Variants in RBBP8 observed in about 807,000 individuals in gnomAD.
The protein encoded by RBBP8 is RB binding protein 8, endonuclease, also known as DNA endonuclease RBBP8.
A neutral mutation model predicts 108.3 loss-of-function variants in RBBP8; 88 were observed. The observed-to-expected ratio is 0.81, with a 90% confidence interval of 0.68 to 0.97. RBBP8 has a LOEUF of 0.97. RBBP8 is among the 50% of genes least tolerant of loss of function. The pLI, the probability that RBBP8 is intolerant of heterozygous loss-of-function variation, is 0.00. For synonymous variants in RBBP8, 332 were observed against 348.2 expected (o/e 0.95, Z 0.52); for missense variants, 1,023 against 1,049.0 (o/e 0.98, Z 0.34).
intron 15 of RBBP8, among the ~76,000 whole-genome samples, chr18:23,005,606 T>C (rs1020654513): frequency 1.3e-5 from 2 of 151,356 alleles, no homozygotes; most frequent in African/African-American, 4.9e-5. Flanking sequence ...AGAGACAGGG[T>C]TTCACCATGT....
intron 16 of RBBP8, among the ~76,000 whole-genome samples, chr18:23,012,458 G>C (rs568210962): frequency 2.6e-5 from 4 of 152,286 alleles, no homozygotes; most frequent in African/African-American, 9.6e-5. Flanking sequence ...TGGTAAGAAA[G>C]TGAAACAGAC....
At chr18:22,945,794 T>C (rs1453594228) in intron 2 of RBBP8, among the ~76,000 whole-genome samples, 2 of 152,236 alleles carry the variant, frequency 1.3e-5, no homozygotes, top group African/African-American at 4.8e-5. Context: ...TTTTCATATT[T>C]GTTCAGTGAC....
At chr18:22,924,127 GTTTTTTTTTT>G (rs33978854) in intron 3 of RBBP8, among the ~76,000 whole-genome samples, 2 of 108,228 alleles carry the variant, frequency 1.8e-5, no homozygotes, top group Admixed American at 1.2e-4. Flanking sequence ...TTTGTTTTTG[GTTTTTTTTTT>G]TTTTTTTTTT....
chr18:22,931,528 T>C (rs1910030303), upstream of RBBP8, among the ~76,000 whole-genome samples: 1 of 152,250 alleles, frequency 6.6e-6, no homozygotes, highest in Non-Finnish European at 1.5e-5. Flanking sequence ...TATTCTATTT[T>C]TTATCCTTTA....
intron 2 of RBBP8, 189 bp downstream of exon 2, chr18:22,937,149 A>G: frequency 1.6e-6 from 2 of 1,236,882 alleles, no homozygotes; most frequent in Non-Finnish European, 2.2e-6. Context: ...TTCATCACCC[A>G]GGTAGTGAGC....
intron 2 of RBBP8, among the ~76,000 whole-genome samples, chr18:22,937,287 A>G (rs1169974092): frequency 6.7e-6 from 1 of 149,590 alleles, no homozygotes; most frequent in African/African-American, 2.5e-5. Flanking sequence ...TGTAGCTCCC[A>G]CTTATAAATG....
intron 8 of RBBP8, among the ~76,000 whole-genome samples, chr18:22,986,399 G>A (rs1915328188): frequency 6.6e-6 from 1 of 152,296 alleles, no homozygotes; most frequent in South Asian, 2.1e-4. Context: ...TTGTTAAGGT[G>A]TAATGGTGAC....
intron 9 of RBBP8, among the ~76,000 whole-genome samples, chr18:22,990,532 G>C (rs975214274): frequency 6.7e-6 from 1 of 149,586 alleles, no homozygotes; most frequent in South Asian, 2.1e-4. Flanking sequence ...TTTTCATTGT[G>C]GTGAAATTAA....
chr18:23,026,348 T>A lies in RBBP8; in HGVS notation c.*108T>A, dbSNP rs563008248. 3 of 958,046 alleles carry A rather than the reference T, an allele frequency of 3.1e-6. No individual in the cohort carries two copies. The South Asian group carries it at 4.4e-5, about 14-fold the overall frequency. 59.3% of individuals were successfully genotyped at this position (958,046 alleles called of 1,614,324 possible). On this transcript the variant is annotated 3_prime_UTR_variant, in exon 19 of 19. Transcript: ENST00000327155. ...TTTTTTGATCTTCTGTAAATGGATT[T>A]ATAAATCAGTTTTCTATTGAAAATG...
At chr18:23,003,305 A>G (rs1450121454) in intron 15 of RBBP8, among the ~76,000 whole-genome samples, 2 of 152,202 alleles carry the variant, frequency 1.3e-5, no homozygotes, top group Non-Finnish European at 2.9e-5. Flanking sequence ...TTTACTTCCA[A>G]CCAAATAATC....
chr18:22,984,822 A>G, intron 7 of RBBP8, 64 bp from the exon 8 acceptor site: 1 of 934,104 alleles, frequency 1.1e-6, no homozygotes, highest in Non-Finnish European at 1.6e-6. Flanking sequence ...AAATAAAAAT[A>G]ATTTGATAAT....
intron 4 of RBBP8, among the ~76,000 whole-genome samples, chr18:22,958,410 A>G (rs1912771913): frequency 6.6e-6 from 1 of 152,228 alleles, no homozygotes; most frequent in African/African-American, 2.4e-5. Flanking sequence ...TAATTATGTT[A>G]TGATAATGAC....
chr18:22,984,853 AT>A (rs1915208808), intron 7 of RBBP8, 32 bp from the exon 8 acceptor site: 1 of 1,225,112 alleles, frequency 8.2e-7, no homozygotes, highest in African/African-American at 1.5e-5. Context: ...ATCATTGTTT[AT>A]TGTGTAATCT....
chr18:22,958,076 CT>C (rs1912741422), intron 4 of RBBP8, among the ~76,000 whole-genome samples: 1 of 152,216 alleles, frequency 6.6e-6, no homozygotes, highest in South Asian at 2.1e-4. Context: ...TCCTCTATCA[CT>C]TTTCCGCTCT....
chr18:23,025,354 C>G (rs2046436098), intron 18 of RBBP8, among the ~76,000 whole-genome samples: 1 of 152,226 alleles, frequency 6.6e-6, no homozygotes, highest in Non-Finnish European at 1.5e-5. Flanking sequence ...ACCTTCTTCA[C>G]TTTTGGAGAC....
chr18:22,958,946 T>G (rs1008447874), intron 4 of RBBP8, among the ~76,000 whole-genome samples: 1 of 152,250 alleles, frequency 6.6e-6, no homozygotes, highest in Non-Finnish European at 1.5e-5. Flanking sequence ...TCTGGATTTC[T>G]CTTCATTAGA....
chr18:22,928,673 T>C (rs146329648), upstream of RBBP8, among the ~76,000 whole-genome samples: 77 of 144,950 alleles, frequency 5.3e-4, no homozygotes, highest in East Asian at 0.014. Context: ...TAGCCTTTTT[T>C]TCTTTTTTTT....
chr18:22,916,346 A>AT (rs1909354214), intron 2 of RBBP8, among the ~76,000 whole-genome samples: 1 of 152,084 alleles, frequency 6.6e-6, no homozygotes, highest in African/African-American at 2.4e-5. Context: ...CATTTAAAGA[A>AT]TAACCAATGA....
At chr18:22,919,249 A>G (rs532943360) in intron 3 of RBBP8, among the ~76,000 whole-genome samples, 1 of 152,322 alleles carries the variant, frequency 6.6e-6, no homozygotes, top group East Asian at 1.9e-4. Flanking sequence ...GCTTAACTAA[A>G]AAGAGGTCAA....
Sources: allele counts gnomAD v4.1 joint callset (sites outside exome capture counted in the v4.1 genomes callset), GRCh38; gene constraint gnomAD v4.1.1; transcripts MANE v1.5; gene names NCBI Gene and HGNC (gene_info 2026-07-23, HGNC 2026-07-21).